The following ZMYND10 variants were observed in gnomAD, a reference collection of about 807,000 sequenced individuals.
ZMYND10 encodes the protein zinc finger MYND-type containing 10.
ZMYND10 carries 52 observed loss-of-function variants against 62.6 expected under a neutral mutation model. That is an observed-to-expected ratio of 0.83 (90% CI 0.67 to 1.05). ZMYND10 has a LOEUF of 1.05. ZMYND10 is among the 50% of genes least tolerant of loss of function. The pLI, the probability that ZMYND10 is intolerant of heterozygous loss-of-function variation, is 0.00. For synonymous variants in ZMYND10, 197 were observed against 218.5 expected, an observed-to-expected ratio of 0.90 and a Z score of 0.87; for missense variants, 438 against 543.3, an observed-to-expected ratio of 0.81 and a Z score of 1.93.
In ZMYND10 at chr3:50,345,291, G is replaced by T; in HGVS notation, c.93-59C>A. The stretch of plus-strand genomic sequence containing the variant: ...TGTGTGCATTAGGAGTGGGGATGGG[G>T]GCTGGATCCTACTGAAGCCTAACCT... On this transcript the variant is annotated intron_variant, in intron 1 of 11. Coordinates refer to ENST00000231749, the MANE Select transcript of ZMYND10 (RefSeq NM_015896.4). The surrounding 1 kb of genome is among the most constrained non-coding windows in gnomAD (Gnocchi z 5.0). The T allele has an allele frequency of 6.4e-7, 1 of 1,572,062 alleles. No individual in the cohort carries two copies. The highest frequency in any genetic ancestry group is 8.7e-7 in the Non-Finnish European group (1 of 1,152,374).
At chr3:50,344,610 T>G (rs1703485602) in intron 2 of ZMYND10, among the ~76,000 whole-genome samples, 2 of 145,938 alleles carry the variant, frequency 1.4e-5, no homozygotes. Context: ...TGAGCTACCA[T>G]GCCCGGCTTT....
At position 50,342,271 on chromosome 3, in the gene ZMYND10, G is replaced by T. The variant is rs1009176270; in HGVS notation, c.873+126C>A. On this transcript the variant is annotated intron_variant, in intron 8 of 11. Coordinates refer to ENST00000231749, the MANE Select transcript of ZMYND10 (RefSeq NM_015896.4). ...CCCACTAGCTGGTGTGTCACCTGAG[G>T]CCCAAGGACTGAAAAGAGCACTGGG... 1.9e-6 allele frequency: 3 copies of T among 1,572,942 alleles called. No individual in the cohort carries two copies. In the African/African-American group the frequency reaches 4.0e-5, roughly 21 times the overall value.
At position 50,345,088 on chromosome 3, in the gene ZMYND10, G is replaced by C; in HGVS notation, c.201+36C>G. 1 of 1,592,370 alleles carries C rather than the reference G, an allele frequency of 6.3e-7. No individual in the cohort carries two copies. Among genetic ancestry groups the C allele is most frequent in the Non-Finnish European group, 8.6e-7 (1 of 1,163,538 alleles). ...GAGGGGTAGAGTAGGTGAGGTATGG[G>C]GGAAGGCAGGAACCCTGCCTGTGAC... On this transcript the variant is annotated intron_variant, in intron 2 of 11. Transcript: ENST00000231749. This position sits in a 1 kb window ranked among gnomAD's most constrained non-coding sequence, Gnocchi z 5.0.
chr3:50,342,763 A>G, intron 7 of ZMYND10, 155 bp downstream of exon 7: 1 of 1,467,744 alleles, frequency 6.8e-7, no homozygotes, highest in Non-Finnish European at 9.0e-7. Flanking sequence ...CCTGCTGCAG[A>G]GCTCAGGTCT....
chr3:50,342,855 C>A, intron 7 of ZMYND10, 63 bp downstream of exon 7: 1 of 1,576,540 alleles, frequency 6.3e-7, no homozygotes, highest in East Asian at 2.3e-5. Context: ...AGCTGCCCCC[C>A]TCTATCAAAA....
Position 50,343,799 on chromosome 3 carries a change from CCTT to C in ZMYND10, c.250_252del (p.Lys84del). The C allele has an allele frequency of 5.6e-6, 9 of 1,614,188 alleles. No homozygotes were observed. The highest frequency in any genetic ancestry group is 7.6e-6 in the Non-Finnish European group (9 of 1,180,036). On this transcript the variant is annotated inframe_deletion, in exon 3 of 12. Coordinates refer to ENST00000231749, the MANE Select transcript of ZMYND10 (RefSeq NM_015896.4). ...TCCACCCTGCAGAACACAGGGAACA[CCTT>C]CTGCTTCCACATCTCCACTGCGATC...
At position 50,345,329 on chromosome 3, in the gene ZMYND10, A is replaced by C. The variant is rs934615674; in HGVS notation, c.93-97T>G. On this transcript the variant is annotated intron_variant, in intron 1 of 11. Coordinates refer to ENST00000231749, the MANE Select transcript of ZMYND10 (RefSeq NM_015896.4). This position sits in a 1 kb window ranked among gnomAD's most constrained non-coding sequence, Gnocchi z 5.0. ...TGAAGCCTAACCTGATCCTGAGGGGACACAGGGGGCTCAGGAGCAGTAATA... is the reference window on the plus strand; with the variant it reads ...TGAAGCCTAACCTGATCCTGAGGGGCCACAGGGGGCTCAGGAGCAGTAATA... 4 of 1,504,364 alleles carry C rather than the reference A, an allele frequency of 2.7e-6. No homozygotes were observed. The African/African-American group carries it at 5.5e-5, about 21-fold the overall frequency. The allele number at this position is 1,504,364 out of a possible 1,614,324, so 93.2% of individuals were successfully genotyped here. A position where few individuals can be genotyped will look rare whatever the true frequency, so the allele number is the denominator to read the frequency against.
rs1195050131 is a variant in ZMYND10, at chr3:50,342,949, C to CA, written c.668dup (p.Glu224GlyfsTer3). Reference sequence around the variant, plus strand: ...CCCGCCGGCTCCAGGGACTATGCTCCAGCAGTTCCACCAGGAGGCAGGGCA... The same window carrying CA: ...CCCGCCGGCTCCAGGGACTATGCTCCAAGCAGTTCCACCAGGAGGCAGGGCA... On this transcript the variant is annotated frameshift_variant, in exon 7 of 12. Coordinates refer to ENST00000231749, the MANE Select transcript of ZMYND10 (RefSeq NM_015896.4). LOFTEE classifies it high-confidence loss of function. The CA allele has an allele frequency of 3.1e-6, 5 of 1,613,982 alleles. No homozygotes were observed. In the African/African-American group the frequency reaches 6.7e-5, roughly 22 times the overall value.
intron 10 of ZMYND10, 54 bp from the exon 11 acceptor site, chr3:50,341,753 C>A: frequency 6.2e-7 from 1 of 1,612,022 alleles, no homozygotes; most frequent in Middle Eastern, 1.7e-4. Context: ...GGCACCCCAC[C>A]CACATCCATG....
intron 3 of ZMYND10, 53 bp from the exon 4 acceptor site, chr3:50,343,669 TCTC>T: frequency 3.1e-6 from 5 of 1,613,678 alleles, no homozygotes; most frequent in Non-Finnish European, 4.2e-6. Context: ...GGCTACCAGC[TCTC>T]CTCCCCGGTC....
intron 11 of ZMYND10, 44 bp downstream of exon 11, chr3:50,341,530 G>A (rs1190160228): frequency 1.2e-6 from 2 of 1,614,148 alleles, no homozygotes; most frequent in African/African-American, 2.7e-5. Flanking sequence ...TGTGGGGGAT[G>A]TGGGAGTAGG....
rs587646934 is a variant in ZMYND10, at chr3:50,344,154, C to G, written c.202-304G>C. ...TGCCCGCCCATTCAGGCATCCCTTT[C>G]AAGCCAGCCCTTCTCCTCATGCCCT... is the stretch of plus-strand genomic sequence containing the variant. On this transcript the variant is annotated intron_variant, in intron 2 of 11. Coordinates refer to ENST00000231749, the MANE Select transcript of ZMYND10 (RefSeq NM_015896.4). 253 of 403,898 alleles carry G rather than the reference C, an allele frequency of 6.3e-4. 2 individuals are homozygous for G. The highest frequency in any genetic ancestry group is 1.0e-3 in the Non-Finnish European group (223 of 215,682). 25.0% of individuals were successfully genotyped at this position (403,898 alleles called of 1,614,324 possible). A position where few individuals can be genotyped will look rare whatever the true frequency, so the allele number is the denominator to read the frequency against.
At position 50,345,107 on chromosome 3, in the gene ZMYND10, C is replaced by T. The variant is rs776606539; in HGVS notation, c.201+17G>A. 1.2e-6 allele frequency: 2 copies of T among 1,610,900 alleles called. No individual in the cohort carries two copies. The highest frequency in any genetic ancestry group is 2.2e-5 in the East Asian group (1 of 44,854). ...GTATGGGGGAAGGCAGGAACCCTGCCTGTGACCTCGGGGTACCTTCCCATG... is the reference window on the plus strand; with the variant it reads ...GTATGGGGGAAGGCAGGAACCCTGCTTGTGACCTCGGGGTACCTTCCCATG... On this transcript the variant is annotated intron_variant, in intron 2 of 11. Coordinates refer to ENST00000231749, the MANE Select transcript of ZMYND10 (RefSeq NM_015896.4). The surrounding 1 kb of genome is among the most constrained non-coding windows in gnomAD (Gnocchi z 5.0).
chr3:50,343,527 C>T (rs976173168), intron 4 of ZMYND10, 36 bp downstream of exon 4: 26 of 1,614,060 alleles, frequency 1.6e-5, no homozygotes, highest in Admixed American at 1.0e-4. Flanking sequence ...GGCCCTGACC[C>T]GGAACTGTGG....
rs374703937 is a variant in ZMYND10, at chr3:50,343,542, T to C, written c.372+21A>G. The C allele has an allele frequency of 1.1e-5, 17 of 1,614,176 alleles. No individual in the cohort carries two copies. In the East Asian group the frequency reaches 3.1e-4, roughly 30 times the overall value. On this transcript the variant is annotated intron_variant, in intron 4 of 11. Coordinates refer to ENST00000231749, the MANE Select transcript of ZMYND10 (RefSeq NM_015896.4). ...GGCCCTGACCCGGAACTGTGGCCCATGGGCAGAGATAGTCCCTCACCTTGT... is the reference window on the plus strand; with the variant it reads ...GGCCCTGACCCGGAACTGTGGCCCACGGGCAGAGATAGTCCCTCACCTTGT...
chr3:50,343,935 G>A lies in ZMYND10; in HGVS notation c.202-85C>T, dbSNP rs1440050827. The A allele has an allele frequency of 8.2e-6, 10 of 1,225,280 alleles. No homozygotes were observed. The East Asian group carries it at 2.3e-4, about 28-fold the overall frequency. 75.9% of individuals were successfully genotyped at this position (1,225,280 alleles called of 1,614,324 possible). A position where few individuals can be genotyped will look rare whatever the true frequency, so the allele number is the denominator to read the frequency against. ...CCCATCCCCGGCTCAGCTCAACCCT[G>A]ATATCCCCAAACACTGCTGGGCCCC... On this transcript the variant is annotated intron_variant, in intron 2 of 11. Coordinates refer to ENST00000231749, the MANE Select transcript of ZMYND10 (RefSeq NM_015896.4).
At chr3:50,342,822 C>T (rs1374687989) in intron 7 of ZMYND10, 96 bp downstream of exon 7, 2 of 1,495,362 alleles carry the variant, frequency 1.3e-6, no homozygotes, top group Non-Finnish European at 1.8e-6. Context: ...GGCTTGGGGA[C>T]AGGGTTTGTC....
rs377278398 is a variant in ZMYND10 at position 50,343,294 on chromosome 3, A to G, written c.510+13T>C. ...GACCTAGGCTTTCACAACCCTAGGT[A>G]ACCTCAACCCACCTGCATGGGGTTG... is the stretch of plus-strand genomic sequence containing the variant. On this transcript the variant is annotated intron_variant, in intron 5 of 11. Coordinates refer to ENST00000231749, the MANE Select transcript of ZMYND10 (RefSeq NM_015896.4). 1 of 1,612,676 alleles carries G rather than the reference A, an allele frequency of 6.2e-7. No homozygotes were observed. The highest frequency in any genetic ancestry group is 8.5e-7 in the Non-Finnish European group (1 of 1,179,262).
Position 50,343,029 on chromosome 3 carries a change from G to A in ZMYND10, c.600-11C>T. ...GTGCTGAGAGAGAGGCTAGGGGCAGGGACGTTGTGAAGGAGGTGAGTAGAG... is the reference window on the plus strand; with the variant it reads ...GTGCTGAGAGAGAGGCTAGGGGCAGAGACGTTGTGAAGGAGGTGAGTAGAG... On this transcript the variant is annotated splice_polypyrimidine_tract_variant and intron_variant, in intron 6 of 11. Transcript: ENST00000231749. The A allele has an allele frequency of 1.2e-6, 2 of 1,614,106 alleles. No individual in the cohort carries two copies. Among genetic ancestry groups the A allele is most frequent in the Middle Eastern group, 1.6e-4 (1 of 6,062 alleles).
Sources: gnomAD v4.1 joint callset for allele counts (sites outside exome capture counted in the v4.1 genomes callset) on GRCh38, gnomAD v4.1.1 for gene constraint, Gnocchi (gnomAD v3.1) non-coding constraint, MANE v1.5 for transcripts, NCBI Gene and HGNC (gene_info 2026-07-23, HGNC 2026-07-21) for gene names.